The following IGSF8 variants were observed in gnomAD, a reference collection of about 807,000 sequenced individuals.
IGSF8 encodes the protein CD81 partner 3.
Under a neutral mutation model 55.5 loss-of-function variants are expected in IGSF8, and 46 were observed. The ratio of observed to expected loss-of-function variants is 0.83; its 90% CI spans 0.65 to 1.06. The LOEUF (loss-of-function observed/expected upper bound fraction) is 1.06, where lower values mean the gene tolerates loss of function less well. Among genes scored for constraint, IGSF8 ranks in the 50% least tolerant of loss-of-function variants. The pLI is 0.00. For synonymous variants in IGSF8, 314 were observed against 356.1 expected (o/e 0.88, Z 1.33); for missense variants, 731 against 832.3 (o/e 0.88, Z 1.50).
chr1:160,091,833 C>T lies in IGSF8; in HGVS notation c.1832G>A (p.Arg611Gln), dbSNP rs1221726946. ...CTGGGGAGTAAGGGATCACCGTTTT[C>T]GAAGCCTCTTCATGAAGCAGCAAGT... ...TITCCFMKRL[R>Q]KR The change falls in exon 6 of 7, where the codon CGA becomes CAA. Residue 611 changes from arginine (R) to glutamine (Q), a missense_variant. Transcript: ENST00000314485. The T allele has an allele frequency of 4.3e-6, 7 of 1,613,054 alleles. No individual in the cohort carries two copies. Among genetic ancestry groups the T allele is most frequent in the East Asian group, 4.5e-5 (2 of 44,868 alleles).
chr1:160,094,940 A>G lies in IGSF8; in HGVS notation c.371T>C (p.Ile124Thr), dbSNP rs758510975. 2 of 1,614,014 alleles carry G rather than the reference A, an allele frequency of 1.2e-6. No individual in the cohort carries two copies. The highest frequency in any genetic ancestry group is 1.7e-6 in the Non-Finnish European group (2 of 1,179,998). ...IARLQAQDAGIYECHTPSTDT... is the reference protein window; with the variant it reads ...IARLQAQDAGTYECHTPSTDT... ...AGTGGAGGGGGTGTGGCACTCATAA[A>G]TGCCGGCATCCTGGGCCTGCAGGCG... The change falls in exon 2 of 7, where the codon ATT becomes ACT. Residue 124 changes from isoleucine to threonine, a missense_variant. Coordinates refer to ENST00000314485, the MANE Select transcript of IGSF8 (RefSeq NM_052868.6). This position sits in a 1 kb window ranked among gnomAD's most constrained non-coding sequence, Gnocchi z 4.0.
At position 160,093,295 on chromosome 1, in the gene IGSF8, C is replaced by G. The variant is rs188677020; in HGVS notation, c.941G>C (p.Arg314Pro). Residue 314 changes from arginine (R) to proline (P), a missense_variant, in exon 4 of 7, where the codon CGT (arginine) becomes CCT (proline). By Grantham distance (103) the Arg-to-Pro change is moderately radical. Transcript: ENST00000314485. ...CAAGGGCTCCCCTGGGCCGATCCGA[C>G]GTTCACCAGGCCCCACTGTCACTGC... ...QLAVTVGPGE[R>P]RIGPGEPLEL... is the part of the protein sequence containing the mutation. 2 of 1,602,408 alleles carry G rather than the reference C, an allele frequency of 1.2e-6. No homozygotes were observed. The highest frequency in any genetic ancestry group is 1.7e-6 in the Non-Finnish European group (2 of 1,171,020).
rs753263987 is a variant in IGSF8, at chr1:160,094,129, G to A, written c.485C>T (p.Pro162Leu). 6.2e-7 allele frequency: 1 copy of A among 1,606,216 alleles called. No homozygotes were observed. The highest frequency in any genetic ancestry group is 8.5e-7 in the Non-Finnish European group (1 of 1,179,608). ...TGAGGTTGGGGCCTGGCGGCCTCGG[G>A]GCCCTGGGGGGGCAGCAGACACCTG... The part of the protein sequence containing the change: ...VLQVSAAPPG[P>L]RGRQAPTSPP... The change falls in exon 3 of 7, where the codon CCC becomes CTC. Residue 162 changes from proline to leucine, a missense_variant. Transcript: ENST00000314485. The surrounding 1 kb of genome is among the most constrained non-coding windows in gnomAD (Gnocchi z 4.0).
rs766393697 is a variant in IGSF8, at chr1:160,092,288, T to C, written c.1720A>G (p.Met574Val). The C allele has an allele frequency of 2.5e-6, 4 of 1,613,906 alleles. No individual in the cohort carries two copies. The highest frequency in any genetic ancestry group is 3.4e-6 in the Non-Finnish European group (4 of 1,179,834). The change falls in exon 5 of 7, where the codon ATG becomes GTG. Residue 574 changes from methionine (M) to valine (V), a missense_variant. By Grantham distance (21) the Met-to-Val change is conservative. Transcript: ENST00000314485. Reference sequence around the variant, plus strand: ...TGGAGGGGGTGTCACTCACCATGCATGTAGGGGTAGACTGTAACAGGCCCT... The same window carrying C: ...TGGAGGGGGTGTCACTCACCATGCACGTAGGGGTAGACTGTAACAGGCCCT... ...RSGPVTVYPY[M>V]HALDTLFVPL...
In IGSF8 at chr1:160,095,055, A is replaced by G. The variant is rs771634161; in HGVS notation, c.256T>C (p.Phe86Leu). Residue 86 changes from phenylalanine (F) to leucine (L), a missense_variant, in exon 2 of 7, where the codon TTC becomes CTC. Physicochemically the swap from Phe to Leu is conservative, Grantham distance 22. Transcript: ENST00000314485. Reference sequence around the variant, plus strand: ...CGGGACTTGAAGACAGCATAGGAGAACTGGGTATCCTTGGTACTGACAATG... The same window carrying G: ...CGGGACTTGAAGACAGCATAGGAGAGCTGGGTATCCTTGGTACTGACAATG... ...LGIVSTKDTQ[F>L]SYAVFKSRVV... 2 of 1,614,152 alleles carry G rather than the reference A, an allele frequency of 1.2e-6. No homozygotes were observed. The highest frequency in any genetic ancestry group is 1.7e-6 in the Non-Finnish European group (2 of 1,180,016).
In IGSF8 at chr1:160,091,394, G is replaced by A. The variant is rs369793492; in HGVS notation, c.*230C>T. ...TTTAGAAAAACTAATTCCAGGACAGGAAATGGCCTCCCTATAGGATCCCTA... is the reference window on the plus strand; with the variant it reads ...TTTAGAAAAACTAATTCCAGGACAGAAAATGGCCTCCCTATAGGATCCCTA... On this transcript the variant is annotated 3_prime_UTR_variant, in exon 7 of 7. Transcript: ENST00000314485. 2.2e-4 allele frequency: 37 copies of A among 170,158 alleles called. No individual in the cohort carries two copies. The highest frequency in any genetic ancestry group is 8.1e-4 in the African/African-American group (34 of 41,930). The allele number at this position is 170,158 out of a possible 1,614,324, so 10.5% of individuals were successfully genotyped here.
rs1650330133 is a variant in IGSF8, at chr1:160,095,077, A to C, written c.234T>G (p.Ile78Met). 1 of 1,613,984 alleles carries C rather than the reference A, an allele frequency of 6.2e-7. No homozygotes were observed. Among genetic ancestry groups the C allele is most frequent in the African/African-American group, 1.3e-5 (1 of 74,908 alleles). Reference protein sequence around the residue: ...RPEAPDTALGIVSTKDTQFSY... With the variant: ...RPEAPDTALGMVSTKDTQFSY... ...AGAACTGGGTATCCTTGGTACTGAC[A>C]ATGCCCAGTGCAGTATCTGGGGCCT... Residue 78 changes from isoleucine (I) to methionine (M), a missense_variant, in exon 2 of 7, where the codon ATT becomes ATG. By Grantham distance (10) the Ile-to-Met change is conservative. Coordinates refer to ENST00000314485, the MANE Select transcript of IGSF8 (RefSeq NM_052868.6).
At chr1:160,093,379 C>T in intron 3 of IGSF8, 48 bp from the exon 4 acceptor site, 3 of 1,511,916 alleles carry the variant, frequency 2.0e-6, no homozygotes, top group Non-Finnish European at 2.7e-6. Context: ...GGAGGGGACA[C>T]AGAGGCACCC....
chr1:160,096,615 G>A (rs1312144401), intron 1 of IGSF8, among the ~76,000 whole-genome samples: 1 of 152,186 alleles, frequency 6.6e-6, no homozygotes, highest in Non-Finnish European at 1.5e-5. Flanking sequence ...TCATCCTCTG[G>A]CTGGGTCACA....
chr1:160,092,785 G>A (rs1330317084), intron 4 of IGSF8, 90 bp from the exon 5 acceptor site: 1 of 1,516,046 alleles, frequency 6.6e-7, no homozygotes, highest in Non-Finnish European at 9.0e-7. Flanking sequence ...GGAAACTCAG[G>A]GTATTCCCAC....
chr1:160,094,835 G>T lies in IGSF8; in HGVS notation c.442+34C>A. 1.3e-6 allele frequency: 2 copies of T among 1,583,906 alleles called. No homozygotes were observed. The highest frequency in any genetic ancestry group is 1.7e-6 in the Non-Finnish European group (2 of 1,160,880). On this transcript the variant is annotated intron_variant, in intron 2 of 6. Transcript: ENST00000314485. The surrounding 1 kb of genome is among the most constrained non-coding windows in gnomAD (Gnocchi z 4.0). ...GGCCTTGACTTTCTGCCTTGAGAGG[G>T]TGTGTGGCTCCACCCCGTCCCAGGG...
intron 4 of IGSF8, 83 bp downstream of exon 4, chr1:160,092,841 G>T: frequency 6.7e-7 from 1 of 1,503,442 alleles, no homozygotes; most frequent in Non-Finnish European, 9.0e-7. Context: ...GCAAACAGCT[G>T]ACGGAGAGGG....
chr1:160,094,061 C>G lies in IGSF8; in HGVS notation c.553G>C (p.Gly185Arg), dbSNP rs1480278070. The part of the protein sequence containing the change: ...TVHEGQELAL[G>R]CLARTSTQKH... ...TGTGTGCTTGTCCTCGCCAGGCAGCCCAGTGCCAGCTCCTGCCCCTCATGC... is the reference window on the plus strand; with the variant it reads ...TGTGTGCTTGTCCTCGCCAGGCAGCGCAGTGCCAGCTCCTGCCCCTCATGC... Residue 185 changes from glycine (G) to arginine (R), a missense_variant, in exon 3 of 7, where the codon GGC becomes CGC. Transcript: ENST00000314485. The surrounding 1 kb of genome is among the most constrained non-coding windows in gnomAD (Gnocchi z 4.0). The G allele has an allele frequency of 6.2e-7, 1 of 1,613,526 alleles. No individual in the cohort carries two copies. The highest frequency in any genetic ancestry group is 1.3e-5 in the African/African-American group (1 of 74,954).
At chr1:160,093,655 C>G in intron 3 of IGSF8, 55 bp downstream of exon 3, 22 of 1,436,152 alleles carry the variant, frequency 1.5e-5, no homozygotes, top group Non-Finnish European at 1.9e-5. Context: ...CCACAGTGCC[C>G]ACCAGGATAC....
Position 160,095,145 on chromosome 1 carries a change from C to T in IGSF8, c.166G>A (p.Gly56Ser). Reference sequence around the variant, plus strand: ...CACTCGAAGTTCTGCTGGGCAGGGCCCTCATAGCCGGTCACATTGCAGGAG... The same window carrying T: ...CACTCGAAGTTCTGCTGGGCAGGGCTCTCATAGCCGGTCACATTGCAGGAG... ...SISCNVTGYEGPAQQNFEWFL... is the reference protein window; with the variant it reads ...SISCNVTGYESPAQQNFEWFL... The change falls in exon 2 of 7, where the codon GGC becomes AGC. Residue 56 changes from glycine (G) to serine (S), a missense_variant. Physicochemically the swap from Gly to Ser is moderately conservative, Grantham distance 56. Coordinates refer to ENST00000314485, the MANE Select transcript of IGSF8 (RefSeq NM_052868.6). The T allele has an allele frequency of 6.2e-7, 1 of 1,613,762 alleles. No homozygotes were observed.
chr1:160,095,108 C>T lies in IGSF8; in HGVS notation c.203G>A (p.Arg68Lys). Reference protein sequence around the residue: ...AQQNFEWFLYRPEAPDTALGI... With the variant: ...AQQNFEWFLYKPEAPDTALGI... Reference sequence around the variant, plus strand: ...CAGTGCAGTATCTGGGGCCTCGGGCCTATACAGGAACCACTCGAAGTTCTG... The same window carrying T: ...CAGTGCAGTATCTGGGGCCTCGGGCTTATACAGGAACCACTCGAAGTTCTG... Residue 68 changes from arginine to lysine, a missense_variant, in exon 2 of 7, where the codon AGG (arginine) becomes AAG (lysine). Arg to Lys is a conservative substitution (Grantham distance 26). Transcript: ENST00000314485. 2.5e-6 allele frequency: 4 copies of T among 1,614,144 alleles called. No individual in the cohort carries two copies. The highest frequency in any genetic ancestry group is 3.4e-6 in the Non-Finnish European group (4 of 1,180,038).
rs1485269925 is a variant in IGSF8, at chr1:160,094,711, C to T, written c.442+158G>A. Among the ~76,000 whole-genome samples the T allele has an allele frequency of 1.3e-5, 2 of 151,836 alleles. No individual in the cohort carries two copies. Among genetic ancestry groups the T allele is most frequent in the Non-Finnish European group, 2.9e-5 (2 of 68,008 alleles). On this transcript the variant is annotated intron_variant, in intron 2 of 6. Coordinates refer to ENST00000314485, the MANE Select transcript of IGSF8 (RefSeq NM_052868.6). The surrounding 1 kb of genome is among the most constrained non-coding windows in gnomAD (Gnocchi z 4.0). ...CTCTGGGTTTGAGTCCCACATCAGCCACTGAGTTATTGGGTGACTTTGTGC... is the reference window on the plus strand; with the variant it reads ...CTCTGGGTTTGAGTCCCACATCAGCTACTGAGTTATTGGGTGACTTTGTGC...
chr1:160,092,435 G>A lies in IGSF8; in HGVS notation c.1573C>T (p.Arg525Ter), dbSNP rs1326705157. Residue 525 changes from arginine (R) to a stop codon, truncating the protein, a stop_gained, in exon 5 of 7, where the codon CGA becomes TGA. Transcript: ENST00000314485. LOFTEE classifies it high-confidence loss of function. ...GPVSVELVGP[R>*]SHRLRLHSLG... is the part of the protein sequence containing the mutation. ...CTGTGTAGTCTCAGCCGATGGCTTC[G>A]GGGCCCCACCAGCTCTACGCTGACA... 1.4e-5 allele frequency: 22 copies of A among 1,610,560 alleles called. No homozygotes were observed. Among genetic ancestry groups the A allele is most frequent in the East Asian group, 6.7e-5 (3 of 44,734 alleles).
chr1:160,097,756 T>C (rs1452423884), intron 1 of IGSF8: 1 of 985,414 alleles, frequency 1.0e-6, no homozygotes, highest in Non-Finnish European at 1.2e-6. Context: ...TCAGTCTCCA[T>C]GGAACCTGGT....
Sources: allele counts gnomAD v4.1 joint callset (sites outside exome capture counted in the v4.1 genomes callset), GRCh38; gene constraint gnomAD v4.1.1; non-coding constraint Gnocchi (gnomAD v3.1); transcripts MANE v1.5; gene names NCBI Gene and HGNC (gene_info 2026-07-23, HGNC 2026-07-21).